The following RAD54B variants were observed in gnomAD, a reference collection of about 807,000 sequenced individuals.
RAD54B encodes the protein DNA repair and recombination protein RAD54B.
A neutral mutation model predicts 95.8 loss-of-function variants in RAD54B; 78 were observed. The ratio of observed to expected loss-of-function variants is 0.81; its 90% CI spans 0.68 to 0.98. The LOEUF (loss-of-function observed/expected upper bound fraction) is 0.98. Ranked by LOEUF, RAD54B falls within the 50% of genes least tolerant of loss-of-function variation. The pLI is 0.00. For missense variants in RAD54B, 957 were observed against 1,056.6 expected, an observed-to-expected ratio of 0.91 and a Z score of 1.31; for synonymous variants, 328 against 354.9, an observed-to-expected ratio of 0.92 and a Z score of 0.85.
chr8:94,412,883 C>T (rs936225707), intron 3 of RAD54B, among the ~76,000 whole-genome samples: 1 of 152,068 alleles, frequency 6.6e-6, no homozygotes, highest in Admixed American at 6.5e-5. Context: ...ATGCAAGGTT[C>T]ATATGCAAAA....
At chr8:94,422,618 ATATATATATATAT>A (rs1217703100) in intron 3 of RAD54B, among the ~76,000 whole-genome samples, 5 of 24,130 alleles carry the variant, frequency 2.1e-4, no homozygotes, top group South Asian at 1.7e-3. Flanking sequence ...AAAAAAAAAA[ATATATATATATAT>A]ATATATATAT....
In RAD54B at chr8:94,452,063, G is replaced by A. The variant is rs565210036; in HGVS notation, c.304+6205C>T. 2.0e-5 allele frequency among the ~76,000 whole-genome samples: 3 copies of A among 152,270 alleles called. No homozygotes were observed. In the South Asian group the frequency reaches 6.2e-4, roughly 32 times the overall value. ...AGTGTTTGGTAAGGGCCTCCTTTCTGGTTCATAGATGGCACTGTCTCCTGT... is the reference window on the plus strand; with the variant it reads ...AGTGTTTGGTAAGGGCCTCCTTTCTAGTTCATAGATGGCACTGTCTCCTGT... On this transcript the variant is annotated intron_variant, in intron 3 of 14. Transcript: ENST00000336148.
chr8:94,459,791 C>T (rs963829828), intron 2 of RAD54B, among the ~76,000 whole-genome samples: 14 of 151,522 alleles, frequency 9.2e-5, no homozygotes, highest in Non-Finnish European at 2.1e-4. Context: ...ACTCAGGAGG[C>T]AGAGGTTGCA....
intron 8 of RAD54B, among the ~76,000 whole-genome samples, chr8:94,394,142 G>A (rs1811088642): frequency 6.6e-6 from 1 of 152,192 alleles, no homozygotes; most frequent in African/African-American, 2.4e-5. Context: ...TGCAGGCTCA[G>A]TGGAGTCTGA....
intron 9 of RAD54B, 161 bp downstream of exon 9, chr8:94,393,582 G>A: frequency 1.7e-6 from 1 of 593,984 alleles, no homozygotes; most frequent in Non-Finnish European, 2.8e-6. Context: ...TTAGACAAGT[G>A]ATGTCATATT....
chr8:94,442,478 A>G (rs375392389), intron 3 of RAD54B, among the ~76,000 whole-genome samples: 21 of 151,562 alleles, frequency 1.4e-4, no homozygotes, highest in East Asian at 1.4e-3. Flanking sequence ...GGGAGGCTGA[A>G]GCAGGAGAAT....
chr8:94,406,097 C>T (rs907390584), intron 5 of RAD54B, among the ~76,000 whole-genome samples: 2 of 151,444 alleles, frequency 1.3e-5, no homozygotes, highest in Non-Finnish European at 2.9e-5. Context: ...ATAAATGCCA[C>T]AATAAAATGT....
intron 11 of RAD54B, among the ~76,000 whole-genome samples, chr8:94,385,720 T>A (rs1290654148): frequency 6.6e-6 from 1 of 152,206 alleles, no homozygotes; most frequent in African/African-American, 2.4e-5. Context: ...ATTATAGGTA[T>A]AAACAATTGC....
chr8:94,391,580 T>C (rs1413446020), intron 10 of RAD54B, 29 bp downstream of exon 10: 2 of 1,590,472 alleles, frequency 1.3e-6, no homozygotes, highest in Non-Finnish European at 8.6e-7. Flanking sequence ...CTCATATCCC[T>C]GACACAGTTT....
rs1325633241 is a variant in RAD54B, at chr8:94,432,346, A to G, written c.305-21031T>C. 2.6e-6 allele frequency: 4 copies of G among 1,550,244 alleles called. No individual in the cohort carries two copies. In the African/African-American group the frequency reaches 5.5e-5, roughly 21 times the overall value. ...TGCAGGATCTGAGGATCATACCCTA[A>G]TAGTGACCTAAAGTGTTCACCACTC... On this transcript the variant is annotated intron_variant, in intron 3 of 14. Transcript: ENST00000336148.
At chr8:94,469,102 T>TG (rs1397168390) in intron 1 of RAD54B, among the ~76,000 whole-genome samples, 6 of 116,382 alleles carry the variant, frequency 5.2e-5, no homozygotes, top group African/African-American at 2.3e-4. Context: ...CATCTCTTGT[T>TG]TTTTTTTTTT....
chr8:94,432,691 T>A, intron 3 of RAD54B: 1 of 1,421,014 alleles, frequency 7.0e-7, no homozygotes, highest in Non-Finnish European at 9.2e-7. Context: ...AATATGTAAA[T>A]CAAATGAAGA....
chr8:94,419,385 G>T (rs1452631560), intron 3 of RAD54B, among the ~76,000 whole-genome samples: 1 of 152,054 alleles, frequency 6.6e-6, no homozygotes, highest in African/African-American at 2.4e-5. Flanking sequence ...GCAGGCACCT[G>T]CAATCCCAGC....
intron 3 of RAD54B, among the ~76,000 whole-genome samples, chr8:94,439,924 C>A (rs944470884): frequency 5.3e-5 from 8 of 152,102 alleles, no homozygotes; most frequent in African/African-American, 1.7e-4. Flanking sequence ...ACTTGATTAT[C>A]TCCTGGATCT....
In RAD54B at chr8:94,410,361, C is replaced by T. The variant is rs186006157; in HGVS notation, c.499+760G>A. ...CATTGAAACAACTGTATTATTGCTT[C>T]CTAATCATCAATTACTTTGCTTTGT... On this transcript the variant is annotated intron_variant, in intron 4 of 14. Coordinates refer to ENST00000336148, the MANE Select transcript of RAD54B (RefSeq NM_012415.3). Among the ~76,000 whole-genome samples the T allele has an allele frequency of 5.6e-4, 85 of 152,250 alleles. No individual in the cohort carries two copies. In the East Asian group the frequency reaches 0.015, roughly 27 times the overall value.
rs1272798352 is a variant in RAD54B at position 94,399,494 on chromosome 8, C to T, written c.1298G>A (p.Gly433Glu). The stretch of plus-strand genomic sequence containing the variant: ...AATGGCACTGTTCTTCAAACGATGC[C>T]CCTCGTCACAGATTAGAAGATCAAA... ...IKFDLLICDE[G>E]HRLKNSAIKT... Residue 433 changes from glycine (G) to glutamate (E), a missense_variant, in exon 8 of 15, where the codon GGG becomes GAG. Transcript: ENST00000336148. 3.7e-6 allele frequency: 6 copies of T among 1,613,500 alleles called. No homozygotes were observed. In the South Asian group the frequency reaches 4.4e-5, roughly 12 times the overall value.
intron 3 of RAD54B, among the ~76,000 whole-genome samples, chr8:94,447,118 G>A (rs957874851): frequency 6.6e-6 from 1 of 152,064 alleles, no homozygotes; most frequent in Non-Finnish European, 1.5e-5. Context: ...ATGTTAAGCA[G>A]TTAAGACAAT....
intron 14 of RAD54B, among the ~76,000 whole-genome samples, chr8:94,376,307 CAAA>C (rs1810569932): frequency 6.6e-6 from 1 of 151,630 alleles, no homozygotes; most frequent in South Asian, 2.1e-4. Flanking sequence ...ACTCATGAGA[CAAA>C]GAAGAAATCA....
In RAD54B at chr8:94,378,378, T is replaced by C. The variant is rs1053803318; in HGVS notation, c.2317A>G (p.Thr773Ala). ...VHIYRLLTTGTIEEKIYQRQI... is the reference protein window; with the variant it reads ...VHIYRLLTTGAIEEKIYQRQI... ...CTTTGATAGATCTTTTCTTCTATTG[T>C]ACCTAAAGAGAAAACATTAATTAGA... The change falls in exon 14 of 15, where the codon ACA (threonine) becomes GCA (alanine). Residue 773 changes from threonine (T) to alanine (A), a missense_variant and splice_region_variant. Physicochemically the swap from Thr to Ala is moderately conservative, Grantham distance 58. Coordinates refer to ENST00000336148, the MANE Select transcript of RAD54B (RefSeq NM_012415.3). 28 of 1,608,416 alleles carry C rather than the reference T, an allele frequency of 1.7e-5. No homozygotes were observed. The highest frequency in any genetic ancestry group is 2.7e-5 in the African/African-American group (2 of 74,576).
Sources: allele counts gnomAD v4.1 joint callset (sites outside exome capture counted in the v4.1 genomes callset), GRCh38; gene constraint gnomAD v4.1.1; transcripts MANE v1.5; gene names NCBI Gene and HGNC (gene_info 2026-07-23, HGNC 2026-07-21).